MACROD2: variants seen among roughly 807,000 people sequenced by gnomAD.
The protein encoded by MACROD2 is ADP-ribose glycohydrolase MACROD2.
Under a neutral mutation model 70.4 loss-of-function variants are expected in MACROD2, and 36 were observed. That is an observed-to-expected ratio of 0.51 (90% confidence interval 0.39 to 0.68). The LOEUF (loss-of-function observed/expected upper bound fraction) is 0.68. MACROD2 is among the 30% of genes least tolerant of loss of function. MACROD2 has a pLI of 0.00. For synonymous variants in MACROD2, 172 were observed against 178.8 expected (o/e 0.96, Z 0.30); for missense variants, 496 against 538.4 (o/e 0.92, Z 0.78).
chr20:14,036,656 C>A (rs2053314669), intron 2 of MACROD2, among the ~76,000 whole-genome samples: 1 of 152,090 alleles, frequency 6.6e-6, no homozygotes, highest in Non-Finnish European at 1.5e-5. Context: ...TTGTTGGTAT[C>A]CACTTAGTAA....
chr20:15,277,480 T>C (rs192022298), intron 6 of MACROD2, among the ~76,000 whole-genome samples: 3 of 152,340 alleles, frequency 2.0e-5, no homozygotes, highest in Non-Finnish European at 4.4e-5. Flanking sequence ...ATTTCTTAAA[T>C]AGGTTGCTAT....
intron 8 of MACROD2, among the ~76,000 whole-genome samples, chr20:15,779,577 G>T (rs998901957): frequency 6.6e-6 from 1 of 152,048 alleles, no homozygotes; most frequent in African/African-American, 2.4e-5. Context: ...AAACTTACTG[G>T]CTGGTCAAAA....
At chr20:15,823,727 G>A (rs2063966666) in intron 8 of MACROD2, among the ~76,000 whole-genome samples, 1 of 152,182 alleles carries the variant, frequency 6.6e-6, no homozygotes, top group South Asian at 2.1e-4. Context: ...CTAAGCCATG[G>A]GCAGGCTGGT....
At chr20:14,771,793 A>G (rs1180864100) in intron 5 of MACROD2, among the ~76,000 whole-genome samples, 3 of 151,690 alleles carry the variant, frequency 2.0e-5, no homozygotes, top group Admixed American at 6.6e-5. Context: ...ATGTATGTGT[A>G]TATATATATG....
intron 5 of MACROD2, among the ~76,000 whole-genome samples, chr20:14,735,905 A>G (rs2071658624): frequency 6.6e-6 from 1 of 152,120 alleles, no homozygotes; most frequent in Non-Finnish European, 1.5e-5. Flanking sequence ...GCTACTGTGG[A>G]AAAGTTTCGT....
intron 8 of MACROD2, among the ~76,000 whole-genome samples, chr20:15,637,737 C>T (rs970856097): frequency 4.6e-5 from 7 of 152,132 alleles, no homozygotes; most frequent in African/African-American, 1.4e-4. Flanking sequence ...ACTGGGGAGC[C>T]GCGGTTGTGG....
chr20:15,355,980 G>A (rs1457748857), intron 6 of MACROD2, among the ~76,000 whole-genome samples: 2 of 152,146 alleles, frequency 1.3e-5, no homozygotes, highest in Admixed American at 6.5e-5. Context: ...TAATTTACAA[G>A]CACTGGTGTT....
intron 5 of MACROD2, among the ~76,000 whole-genome samples, chr20:15,203,712 A>G (rs2076677153): frequency 6.6e-6 from 1 of 152,118 alleles, no homozygotes. Context: ...TTACAATAAA[A>G]CATGTTTCAT....
chr20:15,675,076 C>T (rs1033027878), intron 8 of MACROD2, among the ~76,000 whole-genome samples: 2 of 152,196 alleles, frequency 1.3e-5, no homozygotes, highest in Non-Finnish European at 2.9e-5. Flanking sequence ...AATGCACAGC[C>T]ACCTCCTCAT....
intron 5 of MACROD2, among the ~76,000 whole-genome samples, chr20:15,168,218 CAA>C (rs1221194774): frequency 2.0e-5 from 3 of 152,120 alleles, no homozygotes. Context: ...GGCTAAAAAT[CAA>C]GAGATTCTGG....
chr20:14,831,846 AGTT>A lies in MACROD2; in HGVS notation c.418+146893_418+146895del, dbSNP rs781436574. Among the ~76,000 whole-genome samples the A allele has an allele frequency of 1.9e-3, 263 of 139,314 alleles. 6 individuals carry two copies. The highest frequency in any genetic ancestry group is 8.6e-4 in the Non-Finnish European group (56 of 64,904). 91.4% of individuals were successfully genotyped at this position (139,314 alleles called of 152,430 possible). ...ATATCTGGCACACGTTGTCCTGCCG[AGTT>A]GTTGTGAGTTTGTCATCGTTTTCGT... On this transcript the variant is annotated intron_variant, in intron 5 of 17. Transcript: ENST00000684519.
chr20:15,551,465 G>A (rs1012533992), intron 8 of MACROD2, among the ~76,000 whole-genome samples: 34 of 151,794 alleles, frequency 2.2e-4, no homozygotes, highest in Admixed American at 5.9e-4. Flanking sequence ...AGAAGGGACC[G>A]AAGAGAAAAA....
At chr20:14,591,927 C>G (rs1981798917) in intron 4 of MACROD2, among the ~76,000 whole-genome samples, 1 of 151,878 alleles carries the variant, frequency 6.6e-6, no homozygotes, top group Non-Finnish European at 1.5e-5. Context: ...ACAGTACTTC[C>G]AAGAAGGGAG....
chr20:14,649,986 G>A (rs1260049021), intron 4 of MACROD2, among the ~76,000 whole-genome samples: 2 of 152,152 alleles, frequency 1.3e-5, no homozygotes, highest in Non-Finnish European at 2.9e-5. Context: ...AAAGCCCTTA[G>A]TTGAGCCAAT....
chr20:14,015,083 A>C (rs1410483893), intron 2 of MACROD2, among the ~76,000 whole-genome samples: 1 of 151,466 alleles, frequency 6.6e-6, no homozygotes, highest in Non-Finnish European at 1.5e-5. Flanking sequence ...AGTGTGAGCC[A>C]CTGTGCCCAG....
chr20:15,527,519 C>T (rs1021184388), intron 8 of MACROD2, among the ~76,000 whole-genome samples: 3 of 152,066 alleles, frequency 2.0e-5, no homozygotes, highest in East Asian at 1.9e-4. Context: ...TGCTACCACC[C>T]GAAGTCACAC....
At chr20:15,181,482 A>G (rs2076500147) in intron 5 of MACROD2, among the ~76,000 whole-genome samples, 1 of 152,250 alleles carries the variant, frequency 6.6e-6, no homozygotes, top group African/African-American at 2.4e-5. Context: ...AAAGGCCAAC[A>G]GCAGTGTGTT....
At chr20:14,775,457 G>A (rs2072221712) in intron 5 of MACROD2, among the ~76,000 whole-genome samples, 1 of 151,962 alleles carries the variant, frequency 6.6e-6, no homozygotes, top group African/African-American at 2.4e-5. Flanking sequence ...CATGATGAGA[G>A]AGGAAGCAAG....
chr20:15,700,087 G>T (rs560497803), intron 8 of MACROD2, among the ~76,000 whole-genome samples: 125 of 152,272 alleles, frequency 8.2e-4, no homozygotes, highest in Non-Finnish European at 1.4e-3. Context: ...TCCGCAGTTG[G>T]GGCACTCAAT....
Sources: allele counts gnomAD v4.1 joint callset (sites outside exome capture counted in the v4.1 genomes callset), GRCh38; gene constraint gnomAD v4.1.1; transcripts MANE v1.5; gene names NCBI Gene and HGNC (gene_info 2026-07-23, HGNC 2026-07-21).